Variants in FGF14 observed in about 807,000 individuals in gnomAD.
FGF14 encodes the protein fibroblast growth factor homologous factor 4.
FGF14 carries 5 observed loss-of-function variants against 25.5 expected under a neutral mutation model. The observed-to-expected ratio is 0.20, with a 90% CI of 0.10 to 0.41. FGF14 has a LOEUF of 0.41. Ranked by LOEUF, FGF14 falls within the 10% of genes least tolerant of loss-of-function variation. The pLI is 1.00. For missense variants in FGF14, 222 were observed against 320.1 expected, an observed-to-expected ratio of 0.69 and a Z score of 2.34; for synonymous variants, 138 against 118.3, an observed-to-expected ratio of 1.17 and a Z score of -1.08.
intron 2 of FGF14, among the ~76,000 whole-genome samples, chr13:101,869,527 G>A (rs972404353): frequency 2.0e-5 from 3 of 152,130 alleles, no homozygotes; most frequent in Non-Finnish European, 2.9e-5. Context: ...TCCCTTTAAT[G>A]TATTTCCATG....
chr13:102,384,437 G>C (rs930888774), intron 1 of FGF14, among the ~76,000 whole-genome samples: 1 of 151,952 alleles, frequency 6.6e-6, no homozygotes, highest in African/African-American at 2.4e-5. Flanking sequence ...GTCATTCTTG[G>C]TACTCACCAC....
intron 1 of FGF14, among the ~76,000 whole-genome samples, chr13:102,006,405 A>T (rs975653774): frequency 6.6e-6 from 1 of 152,232 alleles, no homozygotes; most frequent in African/African-American, 2.4e-5. Context: ...TAAGCCAGCC[A>T]GTTAACCACA....
At chr13:102,087,978 A>T (rs556698504) in intron 1 of FGF14, among the ~76,000 whole-genome samples, 1 of 152,156 alleles carries the variant, frequency 6.6e-6, no homozygotes, top group Non-Finnish European at 1.5e-5. Context: ...ACTTCTCTAT[A>T]TGTATGTAAA....
At chr13:101,761,445 A>C (rs1311704370) in intron 3 of FGF14, among the ~76,000 whole-genome samples, 4 of 152,180 alleles carry the variant, frequency 2.6e-5, no homozygotes, top group Admixed American at 2.0e-4. Flanking sequence ...CAGTCAGGGG[A>C]AAGTTCAAAA....
In FGF14 at chr13:101,855,903, GT is replaced by G. The variant is rs11446357; in HGVS notation, c.408+12821del. ...TTTGTCTGCATTCAAATTCCTACAA[GT>G]TTTTTTTTTTTTTAAGAACACAGGG... On this transcript the variant is annotated intron_variant, in intron 3 of 4. Coordinates refer to ENST00000376143, the MANE Select transcript of FGF14 (RefSeq NM_004115.4). Among the ~76,000 whole-genome samples, 526 of 147,526 alleles carry G rather than the reference GT, an allele frequency of 3.6e-3. 2 individuals are homozygous for G. Among genetic ancestry groups the G allele is most frequent in the Middle Eastern group, 0.017 (5 of 286 alleles).
chr13:102,202,438 G>A (rs2049703850), intron 1 of FGF14, among the ~76,000 whole-genome samples: 1 of 152,202 alleles, frequency 6.6e-6, no homozygotes, highest in Non-Finnish European at 1.5e-5. Context: ...ATACTACAGA[G>A]AGAGAAGGTG....
intron 1 of FGF14, among the ~76,000 whole-genome samples, chr13:102,152,204 C>A (rs1470675519): frequency 6.6e-6 from 1 of 152,202 alleles, no homozygotes; most frequent in East Asian, 1.9e-4. Context: ...AACCTCTCAT[C>A]ATGATTTCAT....
At chr13:102,248,821 C>A (rs562741878) in intron 1 of FGF14, among the ~76,000 whole-genome samples, 1 of 152,042 alleles carries the variant, frequency 6.6e-6, no homozygotes, top group East Asian at 1.9e-4. Flanking sequence ...AATAAATGAA[C>A]AAGACAGGCA....
chr13:101,996,592 T>A (rs1256298854), intron 1 of FGF14, among the ~76,000 whole-genome samples: 1 of 152,208 alleles, frequency 6.6e-6, no homozygotes, highest in Admixed American at 6.5e-5. Context: ...GTTGAAATCT[T>A]GTCCCTGAAA....
At chr13:102,323,588 C>G (rs2056320817) in intron 1 of FGF14, among the ~76,000 whole-genome samples, 1 of 152,056 alleles carries the variant, frequency 6.6e-6, no homozygotes, top group South Asian at 2.1e-4. Flanking sequence ...TTAAATTTAC[C>G]AAGAGTCCTT....
intron 1 of FGF14, among the ~76,000 whole-genome samples, chr13:102,247,909 A>G (rs1400379987): frequency 6.6e-6 from 1 of 152,216 alleles, no homozygotes; most frequent in Non-Finnish European, 1.5e-5. Flanking sequence ...CTACACAGCC[A>G]TAAAATAAAA....
intron 1 of FGF14, among the ~76,000 whole-genome samples, chr13:102,220,280 A>T (rs1476540673): frequency 6.6e-6 from 1 of 152,152 alleles, no homozygotes; most frequent in Non-Finnish European, 1.5e-5. Context: ...TATATTTTTC[A>T]TTTAAGAATG....
chr13:101,958,212 T>C (rs2036626768), intron 1 of FGF14, among the ~76,000 whole-genome samples: 1 of 152,154 alleles, frequency 6.6e-6, no homozygotes, highest in African/African-American at 2.4e-5. Flanking sequence ...GGTTGGCAAT[T>C]TATAAAGGAA....
At chr13:101,975,479 G>A (rs377136089) in intron 1 of FGF14, among the ~76,000 whole-genome samples, 2 of 151,996 alleles carry the variant, frequency 1.3e-5, no homozygotes, top group East Asian at 1.9e-4. Context: ...AAAACCTCCA[G>A]GACACCATCC....
At chr13:101,798,190 T>C (rs1169355275) in intron 3 of FGF14, among the ~76,000 whole-genome samples, 4 of 152,158 alleles carry the variant, frequency 2.6e-5, no homozygotes, top group African/African-American at 4.8e-5. Flanking sequence ...CAACAAATCC[T>C]GGTCTCAACA....
intron 1 of FGF14, among the ~76,000 whole-genome samples, chr13:101,974,773 T>G (rs1375708100): frequency 6.6e-6 from 1 of 152,114 alleles, no homozygotes; most frequent in African/African-American, 2.4e-5. Context: ...ACAAAAAGAA[T>G]TTTTCTTTGG....
intron 1 of FGF14, among the ~76,000 whole-genome samples, chr13:102,363,613 ATGTT>A (rs1004511525): frequency 6.6e-6 from 1 of 152,200 alleles, no homozygotes. Context: ...ATTAAGATTA[ATGTT>A]TATTATTATC....
At chr13:102,267,492 A>G (rs1302188592) in intron 1 of FGF14, among the ~76,000 whole-genome samples, 1 of 152,212 alleles carries the variant, frequency 6.6e-6, no homozygotes, top group African/African-American at 2.4e-5. Flanking sequence ...AATTTTTGGA[A>G]CATTGAAGGA....
chr13:101,884,864 T>TACAC (rs777387703), intron 1 of FGF14, among the ~76,000 whole-genome samples: 3 of 148,256 alleles, frequency 2.0e-5, no homozygotes, highest in Middle Eastern at 3.5e-3. Context: ...CACAGACACA[T>TACAC]ACATACACAC....
Sources: gnomAD v4.1 joint callset for allele counts (sites outside exome capture counted in the v4.1 genomes callset) on GRCh38, gnomAD v4.1.1 for gene constraint, MANE v1.5 for transcripts, NCBI Gene and HGNC (gene_info 2026-07-23, HGNC 2026-07-21) for gene names.